The following RXRA variants were observed in gnomAD, a reference collection of about 807,000 sequenced individuals.
RXRA encodes retinoid X receptor alpha.
A neutral mutation model predicts 44.5 loss-of-function variants in RXRA; 5 were observed. The observed-to-expected ratio is 0.11, with a 90% CI of 0.06 to 0.24. RXRA has a LOEUF of 0.24. RXRA is among the 10% of genes least tolerant of loss of function. RXRA has a pLI of 1.00. For missense variants in RXRA, 412 were observed against 646.5 expected, an observed-to-expected ratio of 0.64 and a Z score of 3.93; for synonymous variants, 291 against 271.4, an observed-to-expected ratio of 1.07 and a Z score of -0.71.
intron 1 of RXRA, chr9:134,371,895 C>A (rs529870532): frequency 6.6e-6 from 1 of 152,428 alleles, no homozygotes; most frequent in Admixed American, 6.5e-5. Flanking sequence ...CGTGTTGAAA[C>A]CCGTCTGTGA....
intron 1 of RXRA, among the ~76,000 whole-genome samples, chr9:134,338,372 G>T (rs1403719236): frequency 6.6e-6 from 1 of 152,232 alleles, no homozygotes; most frequent in African/African-American, 2.4e-5. Context: ...ATGTCAGGGT[G>T]CCCCTGGCTG....
chr9:134,349,902 C>T lies in RXRA; in HGVS notation c.28+23243C>T, dbSNP rs888247313. Among the ~76,000 whole-genome samples, 1 of 152,152 alleles carries T rather than the reference C, an allele frequency of 6.6e-6. No individual in the cohort carries two copies. The highest frequency in any genetic ancestry group is 2.4e-5 in the African/African-American group (1 of 41,430). ...CACGATCTCATCCTGCCTGTGACACCTTCCTCTCCTCCTGTTTGGGTCAGC... is the reference window on the plus strand; with the variant it reads ...CACGATCTCATCCTGCCTGTGACACTTTCCTCTCCTCCTGTTTGGGTCAGC... On this transcript the variant is annotated intron_variant, in intron 1 of 9. Coordinates refer to ENST00000481739, the MANE Select transcript of RXRA (RefSeq NM_002957.6). The surrounding 1 kb of genome is among the most constrained non-coding windows in gnomAD (Gnocchi z 4.3).
intron 1 of RXRA, among the ~76,000 whole-genome samples, chr9:134,364,491 AT>A (rs1184942824): frequency 1.3e-5 from 2 of 152,158 alleles, no homozygotes; most frequent in Non-Finnish European, 2.9e-5. Context: ...CTGTGTTTGG[AT>A]GCTCCCAGCA....
intron 1 of RXRA, among the ~76,000 whole-genome samples, chr9:134,378,620 C>T (rs1447286580): frequency 6.6e-6 from 1 of 152,220 alleles, no homozygotes; most frequent in East Asian, 1.9e-4. Flanking sequence ...CCCTCCCTGC[C>T]CCTGCCAGCC....
At chr9:134,375,036 G>T (rs1414064705) in intron 1 of RXRA, among the ~76,000 whole-genome samples, 1 of 152,172 alleles carries the variant, frequency 6.6e-6, no homozygotes, top group Non-Finnish European at 1.5e-5. Flanking sequence ...GCCCTGCACT[G>T]CAGGGAGTGC....
chr9:134,440,465 T>G lies in RXRA; in HGVS notation c.*3851T>G, dbSNP rs1045570. The G allele has an allele frequency of 0.86, 131,392 of 152,684 alleles. 56,832 individuals carry two copies. Among genetic ancestry groups the G allele is most frequent in the African/African-American group, 0.96 (39,945 of 41,576 alleles). 9.5% of individuals were successfully genotyped at this position (152,684 alleles called of 1,614,324 possible). A position where few individuals can be genotyped will look rare whatever the true frequency, so the allele number is the denominator to read the frequency against. The stretch of plus-strand genomic sequence containing the variant: ...CGATTGTCTCTGAAACATCGTGGCC[T>G]CAGGTGCCAGGGTTTGATGGACAGT... On this transcript the variant is annotated 3_prime_UTR_variant, in exon 10 of 10. Coordinates refer to ENST00000481739, the MANE Select transcript of RXRA (RefSeq NM_002957.6).
chr9:134,409,177 G>C, intron 4 of RXRA, 58 bp downstream of exon 4: 3 of 1,464,440 alleles, frequency 2.0e-6, no homozygotes, highest in Non-Finnish European at 2.7e-6. Context: ...GTGGGGCCCG[G>C]GCTTGTGCGT....
At chr9:134,423,614 G>A in intron 6 of RXRA, 1 of 985,472 alleles carries the variant, frequency 1.0e-6, no homozygotes, top group Non-Finnish European at 1.2e-6. Context: ...CAAAGTCCTT[G>A]ACTTAATCCC....
intron 1 of RXRA, among the ~76,000 whole-genome samples, chr9:134,384,224 C>T (rs375386180): frequency 1.4e-4 from 22 of 152,098 alleles, no homozygotes; most frequent in East Asian, 3.9e-4. Context: ...ACTGTCACCC[C>T]GGCGGGGAGT....
In RXRA at chr9:134,436,711, C is replaced by T. The variant is rs894129610; in HGVS notation, c.*97C>T. ...TGAGCCCTGTCCCTGCCCTTCTCTG[C>T]CTGGCCTGTTTGGACTTTGGGGCAC... On this transcript the variant is annotated 3_prime_UTR_variant, in exon 10 of 10. Coordinates refer to ENST00000481739, the MANE Select transcript of RXRA (RefSeq NM_002957.6). 2.8e-6 allele frequency: 4 copies of T among 1,453,040 alleles called. No homozygotes were observed. Among genetic ancestry groups the T allele is most frequent in the Middle Eastern group, 1.8e-4 (1 of 5,600 alleles). 90.0% of individuals were successfully genotyped at this position (1,453,040 alleles called of 1,614,324 possible).
chr9:134,408,407 G>A, intron 3 of RXRA, 108 bp downstream of exon 3: 2 of 1,260,612 alleles, frequency 1.6e-6, no homozygotes, highest in Non-Finnish European at 2.2e-6. Context: ...AGGACCCAAG[G>A]CCAGGGTGCA....
At chr9:134,367,037 A>C (rs951971009) in intron 1 of RXRA, among the ~76,000 whole-genome samples, 1 of 152,114 alleles carries the variant, frequency 6.6e-6, no homozygotes, top group African/African-American at 2.4e-5. Flanking sequence ...ATTGGTTGAG[A>C]TACGGGTCAC....
At chr9:134,377,281 T>C (rs572201343) in intron 1 of RXRA, among the ~76,000 whole-genome samples, 1 of 152,334 alleles carries the variant, frequency 6.6e-6, no homozygotes, top group Admixed American at 6.5e-5. Flanking sequence ...GCGAGCTGGC[T>C]GCCCTCCCTG....
intron 1 of RXRA, among the ~76,000 whole-genome samples, chr9:134,385,369 G>A (rs1045874993): frequency 9.2e-5 from 14 of 152,212 alleles, no homozygotes; most frequent in African/African-American, 2.4e-4. Flanking sequence ...CTTCCCCCGC[G>A]TGCTTCCTCA....
At chr9:134,355,669 G>A (rs1295543893) in intron 1 of RXRA, among the ~76,000 whole-genome samples, 2 of 152,096 alleles carry the variant, frequency 1.3e-5, no homozygotes, top group African/African-American at 2.4e-5. Context: ...CCCAGAGGCC[G>A]GGGAGCTGTG....
Position 134,331,478 on chromosome 9 carries a change from G to A in RXRA, c.28+4819G>A, listed in dbSNP as rs116275692. Reference sequence around the variant, plus strand: ...AGGCTCTCACCTGGCGCTGTTGGCCGCTGGCCCGTGTCCTGGCGTGCCCGT... The same window carrying A: ...AGGCTCTCACCTGGCGCTGTTGGCCACTGGCCCGTGTCCTGGCGTGCCCGT... On this transcript the variant is annotated intron_variant, in intron 1 of 9. Transcript: ENST00000481739. Among the ~76,000 whole-genome samples, 1,252 of 152,286 alleles carry A rather than the reference G, an allele frequency of 8.2e-3. 16 individuals carry two copies. Among genetic ancestry groups the A allele is most frequent in the African/African-American group, 0.029 (1,195 of 41,556 alleles).
At chr9:134,331,883 T>A (rs2119009947) in intron 1 of RXRA, among the ~76,000 whole-genome samples, 1 of 152,322 alleles carries the variant, frequency 6.6e-6, no homozygotes, top group African/African-American at 2.4e-5. Flanking sequence ...CCTCTCAGCA[T>A]CCTCAGAGGC....
intron 8 of RXRA, 94 bp downstream of exon 8, chr9:134,432,090 A>G: frequency 2.1e-6 from 2 of 936,610 alleles, no homozygotes; most frequent in Non-Finnish European, 3.3e-6. Context: ...GCCTCTGGCT[A>G]CATGTGGGGC....
chr9:134,358,193 A>G (rs1346686775), intron 1 of RXRA, among the ~76,000 whole-genome samples: 1 of 152,208 alleles, frequency 6.6e-6, no homozygotes, highest in Non-Finnish European at 1.5e-5. Flanking sequence ...GACAGAGTGG[A>G]AACACCGAGT....
Sources: allele counts gnomAD v4.1 joint callset (sites outside exome capture counted in the v4.1 genomes callset), GRCh38; gene constraint gnomAD v4.1.1; non-coding constraint Gnocchi (gnomAD v3.1); transcripts MANE v1.5; gene names NCBI Gene and HGNC (gene_info 2026-07-23, HGNC 2026-07-21).